Variants in ELMO1 observed in about 807,000 individuals in gnomAD.
ELMO1 encodes engulfment and cell motility 1.
A neutral mutation model predicts 98.9 loss-of-function variants in ELMO1; 26 were observed. The ratio of observed to expected loss-of-function variants is 0.26; its 90% CI spans 0.19 to 0.36. ELMO1 has a LOEUF of 0.36. Among genes scored for constraint, ELMO1 ranks in the 10% least tolerant of loss-of-function variants. ELMO1 has a pLI of 1.00. For synonymous variants in ELMO1, 346 were observed against 346.0 expected (o/e 1.00, Z 0.00); for missense variants, 627 against 935.2 (o/e 0.67, Z 4.30).
At chr7:37,338,491 C>T (rs1167264077) in intron 2 of ELMO1, among the ~76,000 whole-genome samples, 1 of 152,124 alleles carries the variant, frequency 6.6e-6, no homozygotes, top group Non-Finnish European at 1.5e-5. Context: ...GAACTGTGAA[C>T]AATAAATTTC....
intron 15 of ELMO1, among the ~76,000 whole-genome samples, chr7:37,058,719 A>T (rs1473649523): frequency 1.3e-5 from 2 of 152,192 alleles, no homozygotes; most frequent in African/African-American, 4.8e-5. Flanking sequence ...GGACCAAGGA[A>T]GCCTAGAAGA....
chr7:36,946,067 G>A (rs757533146), intron 16 of ELMO1, among the ~76,000 whole-genome samples: 5 of 152,244 alleles, frequency 3.3e-5, no homozygotes, highest in Non-Finnish European at 5.9e-5. Context: ...GGTAGCCTGA[G>A]CTGGGAACAG....
intron 1 of ELMO1, among the ~76,000 whole-genome samples, chr7:37,420,643 C>T (rs1804434134): frequency 6.6e-6 from 1 of 152,156 alleles, no homozygotes; most frequent in South Asian, 2.1e-4. Context: ...ACTGATGCCC[C>T]GTGTAACTCC....
At chr7:36,984,165 CA>C (rs748523555) in intron 16 of ELMO1, among the ~76,000 whole-genome samples, 3 of 152,196 alleles carry the variant, frequency 2.0e-5, no homozygotes, top group Non-Finnish European at 2.9e-5. Flanking sequence ...CAGACTTCCT[CA>C]AAATCGAGCA....
intron 18 of ELMO1, among the ~76,000 whole-genome samples, chr7:36,886,229 G>A (rs1019399896): frequency 6.6e-6 from 1 of 152,110 alleles, no homozygotes; most frequent in Non-Finnish European, 1.5e-5. Context: ...TTATTACTCT[G>A]CCCATTGTCC....
chr7:37,230,187 T>C (rs1794092322), intron 8 of ELMO1, among the ~76,000 whole-genome samples: 1 of 152,148 alleles, frequency 6.6e-6, no homozygotes, highest in African/African-American at 2.4e-5. Flanking sequence ...GCCCCGAGGA[T>C]AAAGACATGA....
intron 15 of ELMO1, among the ~76,000 whole-genome samples, chr7:37,016,860 A>G (rs1487613963): frequency 6.6e-6 from 1 of 152,212 alleles, no homozygotes; most frequent in Non-Finnish European, 1.5e-5. Context: ...GCTAGAATTC[A>G]AGGTCGAGTT....
intron 1 of ELMO1, among the ~76,000 whole-genome samples, chr7:37,404,868 A>C (rs1418919792): frequency 3.3e-5 from 5 of 152,224 alleles, no homozygotes; most frequent in Non-Finnish European, 7.3e-5. Context: ...AGTTTTTAAA[A>C]AACATTCAGC....
intron 1 of ELMO1, among the ~76,000 whole-genome samples, chr7:37,439,876 G>T (rs1805319978): frequency 3.3e-5 from 5 of 152,108 alleles, no homozygotes; most frequent in African/African-American, 1.2e-4. Flanking sequence ...CATGTGATTT[G>T]TGCTGACTTA....
intron 2 of ELMO1, among the ~76,000 whole-genome samples, chr7:37,338,574 C>T (rs1800546686): frequency 6.6e-6 from 1 of 152,150 alleles, no homozygotes; most frequent in Non-Finnish European, 1.5e-5. Flanking sequence ...GTGCTCACAT[C>T]CAGGTTTAAA....
chr7:37,252,732 G>T (rs923777474), intron 6 of ELMO1, among the ~76,000 whole-genome samples: 1 of 152,006 alleles, frequency 6.6e-6, no homozygotes, highest in Non-Finnish European at 1.5e-5. Context: ...AGACAAATGG[G>T]GTCTAATTAA....
chr7:37,256,066 G>A (rs1795626403), intron 6 of ELMO1, among the ~76,000 whole-genome samples: 1 of 152,104 alleles, frequency 6.6e-6, no homozygotes, highest in Non-Finnish European at 1.5e-5. Context: ...CTCACAGACA[G>A]GACCCTCTGT....
At position 36,872,200 on chromosome 7, in the gene ELMO1, G is replaced by A. The variant is rs138332105; in HGVS notation, c.1823-1725C>T. ...TCTTCCCCTGCTGCAGAAACTGAAG[G>A]AGTGACCTGTTCCATCCAGATGTCA... is the stretch of plus-strand genomic sequence containing the variant. On this transcript the variant is annotated intron_variant, in intron 19 of 21. Transcript: ENST00000310758. Among the ~76,000 whole-genome samples, 63 of 152,306 alleles carry A rather than the reference G, an allele frequency of 4.1e-4. 1 individual carries two copies. The East Asian group carries it at 7.1e-3, about 17-fold the overall frequency.
chr7:37,022,237 CTGTT>C (rs889956610), intron 15 of ELMO1, among the ~76,000 whole-genome samples: 14 of 152,156 alleles, frequency 9.2e-5, no homozygotes, highest in Admixed American at 8.5e-4. Context: ...CATAAGAAAA[CTGTT>C]TGATTCTATT....
chr7:37,016,120 T>G (rs1793915412), intron 15 of ELMO1, among the ~76,000 whole-genome samples: 1 of 152,140 alleles, frequency 6.6e-6, no homozygotes, highest in African/African-American at 2.4e-5. Flanking sequence ...ACAGTATCAT[T>G]TTTGGATCTA....
chr7:37,214,911 T>C (rs1256209135), intron 11 of ELMO1, among the ~76,000 whole-genome samples: 7 of 152,216 alleles, frequency 4.6e-5, no homozygotes, highest in African/African-American at 1.7e-4. Flanking sequence ...AACACAGTCA[T>C]TAATGCCACT....
At chr7:37,340,861 T>C (rs1355071146) in intron 2 of ELMO1, among the ~76,000 whole-genome samples, 1 of 152,044 alleles carries the variant, frequency 6.6e-6, no homozygotes, top group African/African-American at 2.4e-5. Flanking sequence ...AAAGCAGAGG[T>C]TCCCAAACTG....
At chr7:37,378,192 T>C (rs1745219295) in intron 1 of ELMO1, among the ~76,000 whole-genome samples, 1 of 152,202 alleles carries the variant, frequency 6.6e-6, no homozygotes, top group Non-Finnish European at 1.5e-5. Context: ...CCAGCCATGC[T>C]GGGATGGGGA....
At chr7:37,393,180 G>A (rs2724001) in intron 1 of ELMO1, among the ~76,000 whole-genome samples, 113,983 of 152,164 alleles carry the variant, frequency 0.75, 43,200 homozygotes, top group East Asian at 0.95. Context: ...CAATTCACAA[G>A]AAATTGCAGA....
Sources: allele counts gnomAD v4.1 joint callset (sites outside exome capture counted in the v4.1 genomes callset), GRCh38; gene constraint gnomAD v4.1.1; transcripts MANE v1.5; gene names NCBI Gene and HGNC (gene_info 2026-07-23, HGNC 2026-07-21).